The following TANGO6 variants were observed in gnomAD, a reference collection of about 807,000 sequenced individuals.
The protein encoded by TANGO6 is transport and Golgi organization protein 6 homolog.
A neutral mutation model predicts 114.2 loss-of-function variants in TANGO6; 90 were observed. The observed-to-expected ratio is 0.79, with a 90% CI of 0.66 to 0.94. The LOEUF is 0.94. Among genes scored for constraint, TANGO6 ranks in the 40% least tolerant of loss-of-function variants. The pLI, the probability that TANGO6 is intolerant of heterozygous loss-of-function variation, is 0.00. For missense variants in TANGO6, 1,274 were observed against 1,315.3 expected, an observed-to-expected ratio of 0.97 and a Z score of 0.49; for synonymous variants, 477 against 509.8, an observed-to-expected ratio of 0.94 and a Z score of 0.87.
chr16:68,889,043 C>T (rs910404625), intron 7 of TANGO6, among the ~76,000 whole-genome samples: 1 of 152,154 alleles, frequency 6.6e-6, no homozygotes, highest in East Asian at 1.9e-4. Flanking sequence ...GGGTTGTTCT[C>T]GAACTCCTGA....
intron 14 of TANGO6, among the ~76,000 whole-genome samples, chr16:68,959,454 G>T (rs984328255): frequency 1.3e-5 from 2 of 152,086 alleles, no homozygotes; most frequent in African/African-American, 4.8e-5. Flanking sequence ...GGGTGTGGTG[G>T]TGTGCACCTA....
rs1301691000 is a variant in TANGO6 at position 68,859,970 on chromosome 16, T to A, written c.181T>A (p.Phe61Ile). The stretch of plus-strand genomic sequence containing the variant: ...TAACCTGTCTGCTTTGGAGGACAAG[T>A]TTCTGAAGGATCCTCAGTGGAAGAA... ...KSNLSALEDK[F>I]LKDPQWKNLK... Residue 61 changes from phenylalanine to isoleucine, a missense_variant, in exon 2 of 18, where the codon TTT (phenylalanine) becomes ATT (isoleucine). Transcript: ENST00000261778. The A allele has an allele frequency of 6.2e-7, 1 of 1,613,430 alleles. No homozygotes were observed. The highest frequency in any genetic ancestry group is 8.5e-7 in the Non-Finnish European group (1 of 1,179,398).
intron 15 of TANGO6, among the ~76,000 whole-genome samples, chr16:69,011,020 G>A (rs1183314686): frequency 6.6e-6 from 1 of 152,190 alleles, no homozygotes; most frequent in Non-Finnish European, 1.5e-5. Context: ...CCATATGTGT[G>A]TTTGAGAAAC....
rs113735205 is a variant in TANGO6 at position 68,846,893 on chromosome 16, C to CT, written c.94+3196dup. ...CGAGAAACTCAACAAGAGGTAATAC[C>CT]TTTTTTTTTTTTTTGTGGCGGAGTT... On this transcript the variant is annotated intron_variant, in intron 1 of 17. Coordinates refer to ENST00000261778, the MANE Select transcript of TANGO6 (RefSeq NM_024562.2). 297 of 142,992 alleles carry CT rather than the reference C, an allele frequency of 2.1e-3. 1 individual carries two copies. The highest frequency in any genetic ancestry group is 3.6e-3 in the Middle Eastern group (1 of 278). The allele number at this position is 142,992 out of a possible 1,614,324, so 8.9% of individuals were successfully genotyped here. A position where few individuals can be genotyped will look rare whatever the true frequency, so the allele number is the denominator to read the frequency against.
intron 1 of TANGO6, among the ~76,000 whole-genome samples, chr16:68,849,339 A>C (rs1961865393): frequency 6.6e-6 from 1 of 152,002 alleles, no homozygotes; most frequent in Non-Finnish European, 1.5e-5. Context: ...GTCCCAAAAA[A>C]AAAGAAATTA....
chr16:68,971,134 G>C (rs117707102), intron 14 of TANGO6, among the ~76,000 whole-genome samples: 5 of 148,952 alleles, frequency 3.4e-5, no homozygotes, highest in Non-Finnish European at 7.4e-5. Flanking sequence ...TTGGGTGACA[G>C]AGCGAGACTC....
chr16:69,070,775 A>G (rs1230948678), intron 17 of TANGO6, among the ~76,000 whole-genome samples: 1 of 147,832 alleles, frequency 6.8e-6, no homozygotes, highest in Non-Finnish European at 1.5e-5. Flanking sequence ...TATTATTATT[A>G]TTATTATTAT....
chr16:68,982,629 C>CATTTTTTTTTTTTTTTTTTTTTTTTTTTT (rs1567553024), intron 15 of TANGO6, among the ~76,000 whole-genome samples: 8 of 120,530 alleles, frequency 6.6e-5, no homozygotes, highest in African/African-American at 2.4e-4. Context: ...CATGCCCTGG[C>CATTTTTTTTTTTTTTTTTTTTTTTTTTTT]CTTTTTTTTT....
chr16:69,080,732 T>TA (rs1249136538), intron 17 of TANGO6, among the ~76,000 whole-genome samples: 2 of 152,178 alleles, frequency 1.3e-5, no homozygotes, highest in African/African-American at 4.8e-5. Flanking sequence ...TCAATAAAAA[T>TA]AAAAAATAAG....
At chr16:69,035,144 C>G (rs2152232599) in intron 16 of TANGO6, 1 of 152,300 alleles carries the variant, frequency 6.6e-6, no homozygotes, top group East Asian at 1.9e-4. Context: ...CCTGAATTTA[C>G]TATCAGTTTT....
intron 15 of TANGO6, among the ~76,000 whole-genome samples, chr16:69,019,008 G>C (rs943285755): frequency 6.6e-6 from 1 of 152,200 alleles, no homozygotes; most frequent in African/African-American, 2.4e-5. Flanking sequence ...TGGGAATACT[G>C]GTTCTGGTAG....
chr16:68,979,510 G>A (rs1303268580), intron 15 of TANGO6, among the ~76,000 whole-genome samples: 3 of 152,136 alleles, frequency 2.0e-5, no homozygotes, highest in South Asian at 2.1e-4. Context: ...GATTACAGGC[G>A]TGAGCCACTG....
chr16:68,862,124 G>A (rs890346991), intron 2 of TANGO6, among the ~76,000 whole-genome samples: 10 of 151,790 alleles, frequency 6.6e-5, no homozygotes, highest in South Asian at 2.1e-4. Flanking sequence ...TGCAACCTCC[G>A]CCTCCTGGGT....
intron 1 of TANGO6, among the ~76,000 whole-genome samples, chr16:68,844,714 A>T (rs1961776628): frequency 6.6e-6 from 1 of 152,156 alleles, no homozygotes; most frequent in Non-Finnish European, 1.5e-5. Flanking sequence ...GGCTGTTGAC[A>T]TACACATCAT....
At chr16:69,075,106 G>A (rs1161151239) in intron 17 of TANGO6, among the ~76,000 whole-genome samples, 2 of 151,266 alleles carry the variant, frequency 1.3e-5, no homozygotes, top group Non-Finnish European at 2.9e-5. Context: ...CCTTCCAAAA[G>A]TGCACAGATT....
chr16:68,890,981 C>G (rs2152175975), intron 7 of TANGO6, among the ~76,000 whole-genome samples: 1 of 150,234 alleles, frequency 6.7e-6, no homozygotes, highest in South Asian at 2.1e-4. Context: ...GCCGAGATTG[C>G]ACCAGTGCAC....
chr16:68,976,972 T>A (rs1963770822), intron 15 of TANGO6, among the ~76,000 whole-genome samples: 1 of 152,208 alleles, frequency 6.6e-6, no homozygotes, highest in South Asian at 2.1e-4. Context: ...GAAGATATAA[T>A]CTTAACTTCA....
chr16:69,070,256 TC>T (rs1960278145), intron 17 of TANGO6, among the ~76,000 whole-genome samples: 1 of 151,754 alleles, frequency 6.6e-6, no homozygotes, highest in Admixed American at 6.6e-5. Context: ...GAATAGCTAC[TC>T]CATAGACAGA....
chr16:68,929,628 C>T (rs1275532303), intron 13 of TANGO6, among the ~76,000 whole-genome samples: 1 of 152,216 alleles, frequency 6.6e-6, no homozygotes, highest in African/African-American at 2.4e-5. Context: ...CCTAACATAT[C>T]ATGTAATATC....
Sources: allele counts gnomAD v4.1 joint callset (sites outside exome capture counted in the v4.1 genomes callset), GRCh38; gene constraint gnomAD v4.1.1; transcripts MANE v1.5; gene names NCBI Gene and HGNC (gene_info 2026-07-23, HGNC 2026-07-21).